Variants in PARL observed in about 807,000 individuals in gnomAD.
PARL encodes the protein presenilin associated rhomboid like, also known as presenilin-associated rhomboid-like protein, mitochondrial.
Under a neutral mutation model 51.6 loss-of-function variants are expected in PARL, and 44 were observed. That is an observed-to-expected ratio of 0.85 (90% CI 0.67 to 1.10). PARL has a LOEUF of 1.10. PARL is among the 50% of genes least tolerant of loss of function. The probability of loss-of-function intolerance (pLI) is 0.00; values close to 1 mark genes in which losing one functional copy is unlikely to be tolerated. For missense variants in PARL, 441 were observed against 469.5 expected (o/e 0.94, Z 0.56); for synonymous variants, 172 against 164.0 (o/e 1.05, Z -0.37).
rs1209073220 is a variant in PARL at position 183,882,204 on chromosome 3, TAAAAA to T, written c.125+2513_125+2517del. On this transcript the variant is annotated intron_variant, in intron 1 of 9. Transcript: ENST00000317096. ...GGGAAACAGAGCAAGACAATGTCTC[TAAAAA>T]AAAAAAAAAAAAAATATATATATAT... Among the ~76,000 whole-genome samples, 93 of 61,442 alleles carry T rather than the reference TAAAAA, an allele frequency of 1.5e-3. 2 individuals are homozygous for T. The highest frequency in any genetic ancestry group is 0.017 in the Middle Eastern group (2 of 118). 40.3% of individuals were successfully genotyped at this position (61,442 alleles called of 152,430 possible).
intron 4 of PARL, among the ~76,000 whole-genome samples, chr3:183,852,300 T>A (rs1015755923): frequency 1.3e-5 from 2 of 152,094 alleles, no homozygotes; most frequent in Non-Finnish European, 2.9e-5. Flanking sequence ...GGTAAATACA[T>A]AGAATGGAAT....
intron 9 of PARL, among the ~76,000 whole-genome samples, chr3:183,833,056 A>T (rs1389505730): frequency 6.6e-6 from 1 of 152,204 alleles, no homozygotes; most frequent in Non-Finnish European, 1.5e-5. Flanking sequence ...CTCCAGTCAT[A>T]CAGAGCAATG....
chr3:183,848,318 T>C (rs893436534), intron 4 of PARL, among the ~76,000 whole-genome samples: 1 of 152,214 alleles, frequency 6.6e-6, no homozygotes, highest in Non-Finnish European at 1.5e-5. Context: ...CTCCGCTCAC[T>C]GAAAGCTCCG....
intron 1 of PARL, among the ~76,000 whole-genome samples, chr3:183,877,656 C>G (rs566140206): frequency 1.3e-5 from 2 of 152,268 alleles, no homozygotes; most frequent in East Asian, 3.9e-4. Context: ...TCAACAGAGG[C>G]AAGACCCTCC....
chr3:183,879,744 C>T (rs1302749935), intron 1 of PARL: 1 of 976,386 alleles, frequency 1.0e-6, no homozygotes, highest in Non-Finnish European at 1.2e-6. Context: ...GGGGGGAGGT[C>T]CTCGCTCTGT....
At chr3:183,882,268 TTTA>T (rs1734607337) in intron 1 of PARL, among the ~76,000 whole-genome samples, 13 of 49,700 alleles carry the variant, frequency 2.6e-4, no homozygotes, top group East Asian at 1.8e-3. Context: ...TATATATATA[TTTA>T]TATATATATA....
Position 183,884,815 on chromosome 3 carries a change from C to G in PARL, c.32G>C (p.Trp11Ser), listed in dbSNP as rs571143026. ...CGCACCCCACGCCTGGCCGCAGCCC[C>G]AGCCTCTCTGCGCCCAGCCTCGCCA... is the stretch of plus-strand genomic sequence containing the variant. MAWRGWAQRG[W>S]GCGQAWGASV... Residue 11 changes from tryptophan to serine, a missense_variant, in exon 1 of 10, where the codon TGG (tryptophan) becomes TCG (serine). Transcript: ENST00000317096. 6.3e-7 allele frequency: 1 copy of G among 1,597,526 alleles called. No homozygotes were observed. The highest frequency in any genetic ancestry group is 1.3e-5 in the African/African-American group (1 of 74,934).
intron 4 of PARL, among the ~76,000 whole-genome samples, chr3:183,848,334 C>T (rs376601494): frequency 3.3e-5 from 5 of 152,280 alleles, no homozygotes; most frequent in East Asian, 3.9e-4. Context: ...CTCCGCCTCC[C>T]GGGTTCACAC....
intron 5 of PARL, among the ~76,000 whole-genome samples, 197 bp downstream of exon 5, chr3:183,844,034 G>A (rs530553600): frequency 5.3e-5 from 8 of 152,146 alleles, no homozygotes; most frequent in East Asian, 3.9e-4. Context: ...GGAAGACTCC[G>A]TCTCAAAAAA....
intron 7 of PARL, among the ~76,000 whole-genome samples, chr3:183,837,631 G>A (rs377641556): frequency 5.9e-5 from 9 of 152,244 alleles, no homozygotes; most frequent in East Asian, 5.8e-4. Context: ...GAACCTGGAC[G>A]TCTACTCCTA....
intron 5 of PARL, 80 bp from the exon 6 acceptor site, chr3:183,842,527 A>G: frequency 7.2e-7 from 1 of 1,390,408 alleles, no homozygotes; most frequent in Non-Finnish European, 1.0e-6. Flanking sequence ...TTTTAAAATT[A>G]GGCCGGACGC....
chr3:183,857,945 GGATTT>G (rs145322233), intron 4 of PARL, among the ~76,000 whole-genome samples: 329 of 152,282 alleles, frequency 2.2e-3, no homozygotes, highest in African/African-American at 7.7e-3. Flanking sequence ...TACATGAAGT[GGATTT>G]GATTCCCGAA....
chr3:183,834,787 T>C (rs1386076161), intron 7 of PARL, among the ~76,000 whole-genome samples: 1 of 149,606 alleles, frequency 6.7e-6, no homozygotes. Context: ...TCGCCTATAA[T>C]CCCAGCACTT....
chr3:183,881,236 C>T (rs1328834404), intron 1 of PARL, among the ~76,000 whole-genome samples: 2 of 152,028 alleles, frequency 1.3e-5, no homozygotes, highest in Admixed American at 1.3e-4. Flanking sequence ...ATTCTCCTGC[C>T]TCGGCCCCCC....
At chr3:183,866,597 GAAGA>G in intron 3 of PARL, 24 bp downstream of exon 3, 1 of 1,599,900 alleles carries the variant, frequency 6.3e-7, no homozygotes, top group Non-Finnish European at 8.6e-7. Flanking sequence ...TGATTAACTA[GAAGA>G]AAGAAAGCAG....
intron 7 of PARL, among the ~76,000 whole-genome samples, chr3:183,835,642 G>A (rs1244311779): frequency 6.6e-6 from 1 of 152,102 alleles, no homozygotes; most frequent in Non-Finnish European, 1.5e-5. Context: ...CGAGGCAGGT[G>A]GATCACCTGA....
At chr3:183,875,439 T>C (rs934908131) in intron 1 of PARL, among the ~76,000 whole-genome samples, 1 of 77,646 alleles carries the variant, frequency 1.3e-5, no homozygotes, top group African/African-American at 5.2e-5. Context: ...AAAAAAAAAA[T>C]AGAGTAAGAA....
intron 1 of PARL, among the ~76,000 whole-genome samples, chr3:183,874,310 C>T (rs1733543298): frequency 6.6e-6 from 1 of 151,972 alleles, no homozygotes; most frequent in Non-Finnish European, 1.5e-5. Context: ...TGGAACACAA[C>T]AATATTGACA....
chr3:183,877,916 G>A (rs552936298), intron 1 of PARL, among the ~76,000 whole-genome samples: 5 of 151,726 alleles, frequency 3.3e-5, no homozygotes, highest in Non-Finnish European at 5.9e-5. Context: ...TCAGCCTCCT[G>A]AGTAGCTGGG....
Sources: allele counts gnomAD v4.1 joint callset (sites outside exome capture counted in the v4.1 genomes callset), GRCh38; gene constraint gnomAD v4.1.1; transcripts MANE v1.5; gene names NCBI Gene and HGNC (gene_info 2026-07-23, HGNC 2026-07-21).